Variants in ADGRG7 observed in about 807,000 individuals in gnomAD.
The protein encoded by ADGRG7 is adhesion G protein-coupled receptor G7, also known as G-protein coupled receptor 128.
In ADGRG7, 82 loss-of-function variants were observed where a neutral mutation model predicts 88.6. The ratio of observed to expected loss-of-function variants is 0.93; its 90% confidence interval spans 0.77 to 1.11. ADGRG7 has a LOEUF of 1.11. Among genes scored for constraint, ADGRG7 ranks in the 50% most tolerant of loss-of-function variants. The probability of loss-of-function intolerance (pLI) is 0.00; values close to 1 mark genes in which losing one functional copy is unlikely to be tolerated. For missense variants in ADGRG7, 945 were observed against 953.4 expected (o/e 0.99, Z 0.12); for synonymous variants, 381 against 345.2 (o/e 1.10, Z -1.15).
In ADGRG7 at chr3:100,649,579, G is replaced by A. The variant is rs1036202678; in HGVS notation, c.1267-116G>A. The A allele has an allele frequency of 7.7e-5, 45 of 582,094 alleles. 1 individual carries two copies. In the South Asian group the frequency reaches 1.1e-3, roughly 14 times the overall value. The allele number at this position is 582,094 out of a possible 1,614,324, so 36.1% of individuals were successfully genotyped here. ...AAATATATCATGAGCTTTACAAAAG[G>A]AAGATATATCTGGCAACTGTCTGGT... On this transcript the variant is annotated intron_variant, in intron 10 of 15. Coordinates refer to ENST00000273352, the MANE Select transcript of ADGRG7 (RefSeq NM_032787.3).
chr3:100,693,928 T>A (rs2094998015), intron 15 of ADGRG7, among the ~76,000 whole-genome samples: 1 of 152,202 alleles, frequency 6.6e-6, no homozygotes, highest in Non-Finnish European at 1.5e-5. Flanking sequence ...TCTGTTACAG[T>A]TACAGGCAAC....
chr3:100,678,529 T>G (rs1300267898), intron 15 of ADGRG7, among the ~76,000 whole-genome samples: 1 of 152,074 alleles, frequency 6.6e-6, no homozygotes, highest in Non-Finnish European at 1.5e-5. Flanking sequence ...CATTGAAGAG[T>G]TGGGTATTTA....
At chr3:100,629,879 C>T (rs1707436320) in intron 2 of ADGRG7, among the ~76,000 whole-genome samples, 168 bp downstream of exon 2, 1 of 152,084 alleles carries the variant, frequency 6.6e-6, no homozygotes, top group Non-Finnish European at 1.5e-5. Flanking sequence ...GCTGAGTTTT[C>T]TTCTTGGCCA....
At position 100,691,159 on chromosome 3, in the gene ADGRG7, G is replaced by A. The variant is rs368538552; in HGVS notation, c.2137-3585G>A. Among the ~76,000 whole-genome samples the A allele has an allele frequency of 2.2e-4, 34 of 152,290 alleles. No individual in the cohort carries two copies. The East Asian group carries it at 5.4e-3, about 24-fold the overall frequency. The stretch of plus-strand genomic sequence containing the variant: ...AGCCTCCATGGGCGTAGGACCCTCC[G>A]ACCCAGGTGCGAGATATAATCTCCT... On this transcript the variant is annotated intron_variant, in intron 15 of 15. Coordinates refer to ENST00000273352, the MANE Select transcript of ADGRG7 (RefSeq NM_032787.3).
chr3:100,650,652 T>C (rs2094927767), intron 11 of ADGRG7, among the ~76,000 whole-genome samples: 1 of 152,210 alleles, frequency 6.6e-6, no homozygotes, highest in Non-Finnish European at 1.5e-5. Context: ...TATCAGTATG[T>C]CCCATTATTG....
chr3:100,641,886 G>A (rs1288583136), intron 6 of ADGRG7, among the ~76,000 whole-genome samples: 4 of 152,042 alleles, frequency 2.6e-5, no homozygotes, highest in Non-Finnish European at 4.4e-5. Flanking sequence ...TATAACTACA[G>A]CACTAATCAA....
chr3:100,640,019 G>A (rs551432885), intron 6 of ADGRG7, among the ~76,000 whole-genome samples: 2 of 152,196 alleles, frequency 1.3e-5, no homozygotes, highest in Admixed American at 6.5e-5. Context: ...TTCTACCAAC[G>A]TGATCTTTTG....
chr3:100,646,584 TTTCAACTCTA>T lies in ADGRG7; in HGVS notation c.1130_1139del (p.Gln377ProfsTer42). The T allele has an allele frequency of 6.2e-7, 1 of 1,613,170 alleles. No individual in the cohort carries two copies. Among genetic ancestry groups the T allele is most frequent in the Non-Finnish European group, 8.5e-7 (1 of 1,179,530 alleles). ...CAATTCATAGTACAACCAAAAAGAA[TTTCAACTCTA>T]TTCCTATGCCTGTGTCTATTGGAAT... is the stretch of plus-strand genomic sequence containing the variant. On this transcript the variant is annotated frameshift_variant, in exon 10 of 16. Coordinates refer to ENST00000273352, the MANE Select transcript of ADGRG7 (RefSeq NM_032787.3). LOFTEE classifies it high-confidence loss of function.
chr3:100,634,283 A>G (rs1036907960), intron 4 of ADGRG7, among the ~76,000 whole-genome samples: 1 of 152,232 alleles, frequency 6.6e-6, no homozygotes, highest in African/African-American at 2.4e-5. Flanking sequence ...ATGTTATCAC[A>G]TTTAATCCTT....
chr3:100,626,356 C>T (rs1313374122), intron 1 of ADGRG7, among the ~76,000 whole-genome samples: 2 of 151,956 alleles, frequency 1.3e-5, no homozygotes, highest in African/African-American at 2.4e-5. Flanking sequence ...ATTTTAAATC[C>T]GCTTGTTAAT....
In ADGRG7 at chr3:100,643,359, A is replaced by G. The variant is rs1218894637; in HGVS notation, c.792A>G (p.Ser264=). Residue 264 remains serine (S), a synonymous_variant, in exon 7 of 16, where the codon TCA becomes TCG. Transcript: ENST00000273352. ...CAATACAGTCAGCAAATTTCTCTTC[A>G]GAAAATGCGGTGGGGCCTTCAAATG... ...NIAIQSANFS[S]ENAVGPSNVR... 4.3e-6 allele frequency: 7 copies of G among 1,614,120 alleles called. No individual in the cohort carries two copies. In the South Asian group the frequency reaches 6.6e-5, roughly 15 times the overall value.
intron 15 of ADGRG7, among the ~76,000 whole-genome samples, chr3:100,675,338 T>C (rs2094963700): frequency 6.6e-6 from 1 of 152,194 alleles, no homozygotes; most frequent in South Asian, 2.1e-4. Flanking sequence ...TTTTTTAGCA[T>C]CAATTGAAAC....
chr3:100,645,916 T>C, intron 8 of ADGRG7, 29 bp from the exon 9 acceptor site: 2 of 1,597,874 alleles, frequency 1.3e-6, no homozygotes, highest in Admixed American at 1.7e-5. Context: ...AGTGCACTTA[T>C]TGATTTTAAT....
chr3:100,671,160 C>A (rs553955029), intron 15 of ADGRG7, among the ~76,000 whole-genome samples: 1 of 152,314 alleles, frequency 6.6e-6, no homozygotes, highest in South Asian at 2.1e-4. Flanking sequence ...AACTTACACT[C>A]CCACCAACAG....
intron 14 of ADGRG7, 106 bp from the exon 15 acceptor site, chr3:100,668,843 A>G (rs2094954751): frequency 1.4e-6 from 1 of 704,324 alleles, no homozygotes; most frequent in Non-Finnish European, 2.3e-6. Flanking sequence ...TAAGTGAACA[A>G]TGTATATGGG....
At chr3:100,644,196 A>AT (rs1266015841) in intron 8 of ADGRG7, among the ~76,000 whole-genome samples, 1 of 151,922 alleles carries the variant, frequency 6.6e-6, no homozygotes, top group Non-Finnish European at 1.5e-5. Flanking sequence ...CTAAAAAAAA[A>AT]ATAAGTAAAT....
chr3:100,620,043 C>A (rs560425518), intron 1 of ADGRG7, among the ~76,000 whole-genome samples: 2 of 152,308 alleles, frequency 1.3e-5, no homozygotes, highest in South Asian at 4.1e-4. Context: ...AGGGAATCCT[C>A]CCTAGCTCAT....
At chr3:100,683,911 T>A (rs2094977585) in intron 15 of ADGRG7, among the ~76,000 whole-genome samples, 1 of 152,252 alleles carries the variant, frequency 6.6e-6, no homozygotes, top group Non-Finnish European at 1.5e-5. Context: ...ATTCTATTTT[T>A]CTATTAATTT....
At chr3:100,645,864 A>G in intron 8 of ADGRG7, 81 bp from the exon 9 acceptor site, 1 of 1,253,696 alleles carries the variant, frequency 8.0e-7, no homozygotes, top group Non-Finnish European at 1.1e-6. Context: ...GCAGCCATGC[A>G]CTTCTACAAT....
Sources: allele counts gnomAD v4.1 joint callset (sites outside exome capture counted in the v4.1 genomes callset), GRCh38; gene constraint gnomAD v4.1.1; transcripts MANE v1.5; gene names NCBI Gene and HGNC (gene_info 2026-07-23, HGNC 2026-07-21).